The following CADM2 variants were observed in gnomAD, a reference collection of about 807,000 sequenced individuals.
The protein encoded by CADM2 is immunoglobulin superfamily member 4D.
A neutral mutation model predicts 49.8 loss-of-function variants in CADM2; 12 were observed. That is an observed-to-expected ratio of 0.24 (90% confidence interval 0.15 to 0.39). The LOEUF is 0.39. Ranked by LOEUF, CADM2 falls within the 10% of genes least tolerant of loss-of-function variation. The probability of loss-of-function intolerance (pLI) is 1.00; values close to 1 mark genes in which losing one functional copy is unlikely to be tolerated. For missense variants in CADM2, 378 were observed against 492.3 expected (o/e 0.77, Z 2.20); for synonymous variants, 214 against 175.4 (o/e 1.22, Z -1.74).
At chr3:85,396,560 T>G (rs1220358966) in intron 1 of CADM2, among the ~76,000 whole-genome samples, 2 of 152,062 alleles carry the variant, frequency 1.3e-5, no homozygotes, top group Non-Finnish European at 2.9e-5. Flanking sequence ...TTATACGCTA[T>G]GCAGTCTGTA....
At position 85,802,033 on chromosome 3, in the gene CADM2, T is replaced by G. The variant is rs1276537122; in HGVS notation, c.89-14T>G. ...ACTTTCATTTAATCAACATTTTCTT[T>G]AATCCCCTTTTAGGCAGCCAAGGGC... On this transcript the variant is annotated splice_polypyrimidine_tract_variant and intron_variant, in intron 2 of 9. Transcript: ENST00000383699. 10 of 1,596,280 alleles carry G rather than the reference T, an allele frequency of 6.3e-6. No homozygotes were observed. The highest frequency in any genetic ancestry group is 2.3e-5 in the East Asian group (1 of 44,376).
At chr3:85,343,227 T>A (rs2030132617) in intron 1 of CADM2, among the ~76,000 whole-genome samples, 1 of 152,152 alleles carries the variant, frequency 6.6e-6, no homozygotes, top group African/African-American at 2.4e-5. Context: ...AACCTGTACA[T>A]GATGGTACAT....
chr3:85,292,642 A>G (rs1366263744), intron 1 of CADM2, among the ~76,000 whole-genome samples: 4 of 151,304 alleles, frequency 2.6e-5, no homozygotes, highest in African/African-American at 9.7e-5. Context: ...ATCTCACTCA[A>G]AACCGCTCAA....
At chr3:85,043,553 G>A (rs866941820) in intron 1 of CADM2, among the ~76,000 whole-genome samples, 6 of 151,848 alleles carry the variant, frequency 4.0e-5, no homozygotes, top group Admixed American at 1.3e-4. Context: ...AACTAGGGAT[G>A]GTATACTCCT....
chr3:85,397,942 T>C (rs539474100), intron 1 of CADM2, among the ~76,000 whole-genome samples: 3 of 152,276 alleles, frequency 2.0e-5, no homozygotes, highest in Non-Finnish European at 4.4e-5. Flanking sequence ...TTAGACTGCA[T>C]ATGTTAGTAG....
intron 7 of CADM2, among the ~76,000 whole-genome samples, chr3:85,937,879 T>A (rs1721374442): frequency 6.6e-6 from 1 of 152,048 alleles, no homozygotes; most frequent in East Asian, 1.9e-4. Flanking sequence ...GTCTTCAAAG[T>A]AAAGTAGTCA....
chr3:85,552,892 T>A (rs1431472135), intron 1 of CADM2, among the ~76,000 whole-genome samples: 1 of 152,096 alleles, frequency 6.6e-6, no homozygotes, highest in Non-Finnish European at 1.5e-5. Context: ...TTAGTCAGGA[T>A]GGTCTTGATC....
intron 1 of CADM2, among the ~76,000 whole-genome samples, chr3:85,568,447 C>CTTTCTTTCTTTCTTTCTTTCTTTCTT (rs2062352890): frequency 2.8e-5 from 1 of 35,794 alleles, no homozygotes; most frequent in African/African-American, 8.0e-5. Context: ...TTCTTTCTTT[C>CTTTCTTTCTTTCTTTCTTTCTTTCTT]TTTCTTTCTT....
At chr3:85,021,246 G>A (rs78772335) in intron 1 of CADM2, among the ~76,000 whole-genome samples, 8,478 of 152,064 alleles carry the variant, frequency 0.056, 808 homozygotes, top group African/African-American at 0.19. Context: ...AAAGATTTGA[G>A]AAGCACAGAT....
intron 8 of CADM2, among the ~76,000 whole-genome samples, chr3:86,020,032 A>G (rs3966867): frequency 1.3e-5 from 2 of 152,202 alleles, no homozygotes; most frequent in African/African-American, 4.8e-5. Flanking sequence ...AAACCCTTCA[A>G]AAAATTAATC....
At chr3:85,416,908 T>C (rs1254700872) in intron 1 of CADM2, among the ~76,000 whole-genome samples, 1 of 152,174 alleles carries the variant, frequency 6.6e-6, no homozygotes. Context: ...TGGATCTTAA[T>C]GAGAATAGTA....
intron 2 of CADM2, among the ~76,000 whole-genome samples, chr3:85,756,784 T>C (rs1369778180): frequency 6.6e-6 from 1 of 152,200 alleles, no homozygotes; most frequent in Non-Finnish European, 1.5e-5. Context: ...CGAATAGTTT[T>C]TTGTGTGACA....
At chr3:86,058,028 C>T (rs767756593) in intron 8 of CADM2, among the ~76,000 whole-genome samples, 6 of 152,074 alleles carry the variant, frequency 3.9e-5, no homozygotes, top group Admixed American at 3.3e-4. Context: ...TTTCTGAGTA[C>T]GTACTTTACA....
chr3:85,627,749 A>AG (rs2107510543), intron 1 of CADM2, among the ~76,000 whole-genome samples: 1 of 152,194 alleles, frequency 6.6e-6, no homozygotes, highest in African/African-American at 2.4e-5. Context: ...AAGAAGGTAA[A>AG]AATATACACC....
Position 86,068,386 on chromosome 3 carries a change from TA to T in CADM2, c.*1610del, listed in dbSNP as rs1007470943. On this transcript the variant is annotated 3_prime_UTR_variant, in exon 10 of 10. Coordinates refer to ENST00000383699, the MANE Select transcript of CADM2 (RefSeq NM_001167675.2). ...TAAAGAATAAAACTCCAGTTAGATT[TA>T]AAAAAATCCCATTTACAAGCATTGC... The T allele has an allele frequency of 2.6e-5, 4 of 151,912 alleles. No individual in the cohort carries two copies. The highest frequency in any genetic ancestry group is 9.7e-5 in the African/African-American group (4 of 41,428). 9.4% of individuals were successfully genotyped at this position (151,912 alleles called of 1,614,324 possible). A position where few individuals can be genotyped will look rare whatever the true frequency, so the allele number is the denominator to read the frequency against.
At chr3:85,359,155 A>G (rs1363303849) in intron 1 of CADM2, among the ~76,000 whole-genome samples, 3 of 152,122 alleles carry the variant, frequency 2.0e-5, no homozygotes, top group Middle Eastern at 3.2e-3. Flanking sequence ...TCAGTATGCT[A>G]TATTTCAACC....
At chr3:85,864,779 C>T (rs1416228580) in intron 3 of CADM2, among the ~76,000 whole-genome samples, 1 of 152,166 alleles carries the variant, frequency 6.6e-6, no homozygotes, top group Admixed American at 6.6e-5. Context: ...CTTAAACACA[C>T]TTTAGATTAT....
At chr3:85,692,576 A>G (rs1006297371) in intron 1 of CADM2, among the ~76,000 whole-genome samples, 2 of 152,180 alleles carry the variant, frequency 1.3e-5, no homozygotes, top group Non-Finnish European at 2.9e-5. Flanking sequence ...AACTTTTCCT[A>G]TAGTTTTAAT....
At chr3:85,108,397 G>A (rs2038327658) in intron 1 of CADM2, among the ~76,000 whole-genome samples, 2 of 152,294 alleles carry the variant, frequency 1.3e-5, no homozygotes, top group East Asian at 1.9e-4. Flanking sequence ...ATGCTAGGGT[G>A]TGGATAAATC....
Sources: gnomAD v4.1 joint callset for allele counts (sites outside exome capture counted in the v4.1 genomes callset) on GRCh38, gnomAD v4.1.1 for gene constraint, MANE v1.5 for transcripts, NCBI Gene and HGNC (gene_info 2026-07-23, HGNC 2026-07-21) for gene names.